The following MTUS1 variants were observed in gnomAD, a reference collection of about 807,000 sequenced individuals.
MTUS1 encodes microtubule associated scaffold protein 1, also known as microtubule-associated tumor suppressor 1.
MTUS1 carries 109 observed loss-of-function variants against 120.8 expected under a neutral mutation model. That is an observed-to-expected ratio of 0.90 (90% CI 0.77 to 1.06). The LOEUF (loss-of-function observed/expected upper bound fraction) is 1.06, where lower values mean the gene tolerates loss of function less well. Among genes scored for constraint, MTUS1 ranks in the 50% least tolerant of loss-of-function variants. The pLI is 0.00. For missense variants in MTUS1, 2,210 were observed against 1,486.3 expected (o/e 1.49, Z -8.01); for synonymous variants, 737 against 550.5 (o/e 1.34, Z -4.74).
In MTUS1 at chr8:17,756,671, A is replaced by ACCCCCCCCCC. The variant is rs1177055386; in HGVS notation, c.-154-711_-154-710insGGGGGGGGGG. ...TCTCCAATTCATATGTCAAGCCCAA[A>ACCCCCCCCCC]CCCCCACCCCTTATGTAACTATGTT... On this transcript the variant is annotated intron_variant, in intron 1 of 14. Transcript: ENST00000693296. Among the ~76,000 whole-genome samples, 395 of 117,434 alleles carry ACCCCCCCCCC rather than the reference A, an allele frequency of 3.4e-3. 9 individuals are homozygous for ACCCCCCCCCC. The highest frequency in any genetic ancestry group is 5.1e-3 in the South Asian group (13 of 2,556). The allele number at this position is 117,434 out of a possible 152,430, so 77.0% of individuals were successfully genotyped here.
At chr8:17,646,286 G>T in intron 14 of MTUS1, 147 bp from the exon 15 acceptor site, 1 of 976,342 alleles carries the variant, frequency 1.0e-6, no homozygotes, top group Non-Finnish European at 1.5e-6. Flanking sequence ...TATTTGGCTG[G>T]CTAAGAAAAC....
chr8:17,755,730 T>C lies in MTUS1; in HGVS notation c.78A>G (p.Thr26=). The C allele has an allele frequency of 6.2e-7, 1 of 1,614,186 alleles. No homozygotes were observed. The highest frequency in any genetic ancestry group is 8.5e-7 in the Non-Finnish European group (1 of 1,180,016). Reference sequence around the variant, plus strand: ...GTGGTGATTTCGGGTTGTATGCATGTGTATTTCCATCTTTATCACTGGTAA... The same window carrying C: ...GTGGTGATTTCGGGTTGTATGCATGCGTATTTCCATCTTTATCACTGGTAA... ...TFFTSDKDGN[T]HAYNPKSPPT... Residue 26 remains threonine, a synonymous_variant, in exon 2 of 15, where the codon ACA becomes ACG. Coordinates refer to ENST00000693296, the MANE Select transcript of MTUS1 (RefSeq NM_001363059.2).
chr8:17,645,993 G>A lies in MTUS1; in HGVS notation c.3746C>T (p.Ser1249Phe), dbSNP rs377188798. 1.8e-5 allele frequency: 29 copies of A among 1,613,678 alleles called. 1 individual carries two copies. The African/African-American group carries it at 3.9e-4, about 22-fold the overall frequency. Residue 1249 changes from serine to phenylalanine, a missense_variant, in exon 15 of 15, where the codon TCC (serine) becomes TTC (phenylalanine). Coordinates refer to ENST00000693296, the MANE Select transcript of MTUS1 (RefSeq NM_001363059.2). ...LCSPKRSPTS[S>F]AIPLQSPRNS... ...CCTTGGTGACTGCAAAGGGATGGCGGAGGATGTGGGGGATCTCTTGGGGCT... is the reference window on the plus strand; with the variant it reads ...CCTTGGTGACTGCAAAGGGATGGCGAAGGATGTGGGGGATCTCTTGGGGCT...
At chr8:17,745,286 T>C (rs78367213) in intron 2 of MTUS1, among the ~76,000 whole-genome samples, 2,485 of 152,276 alleles carry the variant, frequency 0.016, 80 homozygotes, top group African/African-American at 0.057. Context: ...AAATCTCTTA[T>C]ATGAAATGGT....
chr8:17,743,504 G>C (rs1377337845), intron 3 of MTUS1, 100 bp downstream of exon 3: 1 of 1,135,928 alleles, frequency 8.8e-7, no homozygotes, highest in Admixed American at 2.4e-5. Context: ...ATCCACAAAA[G>C]GCTAACTGCT....
Position 17,644,515 on chromosome 8 carries a change from G to A in MTUS1, c.*1411C>T, listed in dbSNP as rs180862376. ...GGATTAGGGGAGGTAATAAGTTTTG[G>A]AAAGAAACTGAAATGCAACCTGGAG... On this transcript the variant is annotated 3_prime_UTR_variant, in exon 15 of 15. Coordinates refer to ENST00000693296, the MANE Select transcript of MTUS1 (RefSeq NM_001363059.2). 2.6e-5 allele frequency: 4 copies of A among 152,412 alleles called. No individual in the cohort carries two copies. The highest frequency in any genetic ancestry group is 2.1e-4 in the South Asian group (1 of 4,828). 9.4% of individuals were successfully genotyped at this position (152,412 alleles called of 1,614,324 possible). A position where few individuals can be genotyped will look rare whatever the true frequency, so the allele number is the denominator to read the frequency against.
chr8:17,779,476 G>C (rs2050706989), intron 1 of MTUS1, among the ~76,000 whole-genome samples: 1 of 152,196 alleles, frequency 6.6e-6, no homozygotes. Context: ...GTGTTTAAAA[G>C]ATTTGTTGTA....
At chr8:17,670,178 C>T (rs937320951) in intron 8 of MTUS1, among the ~76,000 whole-genome samples, 11 of 152,262 alleles carry the variant, frequency 7.2e-5, no homozygotes, top group South Asian at 2.1e-4. Context: ...AATGAGGAGA[C>T]GCTGCATGGC....
chr8:17,675,310 T>A (rs1812870917), intron 7 of MTUS1, 58 bp from the exon 8 acceptor site: 2 of 1,498,534 alleles, frequency 1.3e-6, no homozygotes, highest in Non-Finnish European at 9.3e-7. Flanking sequence ...TTCAGTAAGG[T>A]ACACATTTGT....
chr8:17,731,594 T>C (rs1435537741), intron 3 of MTUS1, among the ~76,000 whole-genome samples: 1 of 151,568 alleles, frequency 6.6e-6, no homozygotes, highest in Admixed American at 6.6e-5. Context: ...TTATTATGCA[T>C]AAAAACACAG....
chr8:17,768,532 TA>T (rs11302658), intron 1 of MTUS1, among the ~76,000 whole-genome samples: 146,493 of 150,446 alleles, frequency 0.97, 71,423 homozygotes, highest in East Asian at 1. Context: ...TATGCCATGG[TA>T]AAAAAAAAAA....
rs528344960 is a variant in MTUS1, at chr8:17,727,301, T to A, written c.2288-3468A>T. 2.4e-3 allele frequency among the ~76,000 whole-genome samples: 369 copies of A among 152,362 alleles called. 1 individual carries two copies. Among genetic ancestry groups the A allele is most frequent in the African/African-American group, 8.3e-3 (345 of 41,582 alleles). On this transcript the variant is annotated intron_variant, in intron 3 of 14. Coordinates refer to ENST00000693296, the MANE Select transcript of MTUS1 (RefSeq NM_001363059.2). ...AGACTACTTAGGTGGTTAAATGGCT[T>A]ACTTGGGTCACATACCCGGCCAGTG...
chr8:17,679,497 T>G (rs1813860834), intron 7 of MTUS1, among the ~76,000 whole-genome samples: 1 of 96,330 alleles, frequency 1.0e-5, no homozygotes, highest in East Asian at 3.0e-4. Context: ...TTTTATTTAT[T>G]TATTTATTTA....
At chr8:17,693,760 G>A (rs1817424297) in intron 6 of MTUS1, among the ~76,000 whole-genome samples, 1 of 152,168 alleles carries the variant, frequency 6.6e-6, no homozygotes, top group Non-Finnish European at 1.5e-5. Context: ...TTATTAACTG[G>A]TGCTCTGTCT....
intron 1 of MTUS1, chr8:17,800,582 T>C (rs1007240407): frequency 2.0e-5 from 3 of 151,344 alleles, no homozygotes; most frequent in African/African-American, 7.3e-5. Flanking sequence ...CACTATAGAG[T>C]AGTCAATAAG....
chr8:17,743,518 G>C, intron 3 of MTUS1, 86 bp downstream of exon 3: 1 of 1,291,100 alleles, frequency 7.7e-7, no homozygotes, highest in Admixed American at 2.2e-5. Context: ...AACTGCTTTA[G>C]TGACAGAAGG....
Position 17,791,049 on chromosome 8 carries a change from T to G in MTUS1, c.-155+10012A>C, listed in dbSNP as rs530253415. On this transcript the variant is annotated intron_variant, in intron 1 of 14. Transcript: ENST00000693296. ...ATAGAAAATCCTGGCAACAGAAACTTATTACTTCCACTCGCATTAAAACTA... is the reference window on the plus strand; with the variant it reads ...ATAGAAAATCCTGGCAACAGAAACTGATTACTTCCACTCGCATTAAAACTA... Among the ~76,000 whole-genome samples the G allele has an allele frequency of 1.2e-3, 184 of 152,234 alleles. 1 individual carries two copies. The highest frequency in any genetic ancestry group is 4.2e-3 in the African/African-American group (175 of 41,548).
At chr8:17,776,876 T>C (rs2050483566) in intron 1 of MTUS1, among the ~76,000 whole-genome samples, 1 of 152,078 alleles carries the variant, frequency 6.6e-6, no homozygotes, top group Non-Finnish European at 1.5e-5. Flanking sequence ...TGCGTAATAC[T>C]CCCTGGGCTC....
At chr8:17,698,424 G>A (rs1818396146) in intron 6 of MTUS1, among the ~76,000 whole-genome samples, 1 of 152,070 alleles carries the variant, frequency 6.6e-6, no homozygotes, top group Non-Finnish European at 1.5e-5. Context: ...ATGGTTATAA[G>A]AATTAACAAC....
Sources: gnomAD v4.1 joint callset for allele counts (sites outside exome capture counted in the v4.1 genomes callset) on GRCh38, gnomAD v4.1.1 for gene constraint, MANE v1.5 for transcripts, NCBI Gene and HGNC (gene_info 2026-07-23, HGNC 2026-07-21) for gene names.